BICC1: variants seen among roughly 807,000 people sequenced by gnomAD.
BICC1 encodes the protein BicC family RNA binding protein 1.
BICC1 carries 43 observed loss-of-function variants against 111.0 expected under a neutral mutation model. The ratio of observed to expected loss-of-function variants is 0.39; its 90% confidence interval spans 0.30 to 0.50. BICC1 has a LOEUF of 0.50. BICC1 is among the 20% of genes least tolerant of loss of function. BICC1 has a pLI of 0.88. For missense variants in BICC1, 1,091 were observed against 1,203.2 expected (o/e 0.91, Z 1.38); for synonymous variants, 467 against 434.4 (o/e 1.07, Z -0.93).
intron 6 of BICC1, 53 bp downstream of exon 6, chr10:58,788,476 A>G: frequency 8.3e-7 from 1 of 1,199,028 alleles, no homozygotes. Flanking sequence ...CATTTGCATT[A>G]TAAGGCACTA....
At chr10:58,670,002 GT>G (rs1259461107) in intron 2 of BICC1, among the ~76,000 whole-genome samples, 1 of 152,116 alleles carries the variant, frequency 6.6e-6, no homozygotes, top group Admixed American at 6.6e-5. Flanking sequence ...TTATTGTAAA[GT>G]TTTAGATCGT....
At chr10:58,748,659 G>C (rs926888982) in intron 3 of BICC1, among the ~76,000 whole-genome samples, 3 of 152,102 alleles carry the variant, frequency 2.0e-5, no homozygotes, top group African/African-American at 7.2e-5. Context: ...CGGGCTGAGT[G>C]GGCTTGTAAA....
intron 2 of BICC1, among the ~76,000 whole-genome samples, chr10:58,662,513 AG>A (rs1451209021): frequency 6.6e-6 from 1 of 152,202 alleles, no homozygotes; most frequent in Non-Finnish European, 1.5e-5. Context: ...TTACAAGATG[AG>A]TAACACAAGT....
chr10:58,606,528 A>T (rs1253846417), intron 1 of BICC1, among the ~76,000 whole-genome samples: 4 of 152,074 alleles, frequency 2.6e-5, no homozygotes, highest in Non-Finnish European at 4.4e-5. Flanking sequence ...TAACCTGCAC[A>T]TTGTGCACAT....
At chr10:58,749,992 C>T (rs1841940203) in intron 3 of BICC1, among the ~76,000 whole-genome samples, 2 of 151,986 alleles carry the variant, frequency 1.3e-5, no homozygotes, top group South Asian at 4.1e-4. Context: ...AATCTAAGTG[C>T]AGAGATTAGA....
intron 2 of BICC1, among the ~76,000 whole-genome samples, chr10:58,626,811 T>C (rs1837641023): frequency 1.3e-5 from 2 of 152,158 alleles, no homozygotes; most frequent in Admixed American, 1.3e-4. Context: ...TGTTTAAAAA[T>C]GTATGTTTAA....
At chr10:58,730,334 A>C (rs1338896632) in intron 3 of BICC1, among the ~76,000 whole-genome samples, 1 of 152,194 alleles carries the variant, frequency 6.6e-6, no homozygotes, top group Non-Finnish European at 1.5e-5. Flanking sequence ...GTGAGCTCCC[A>C]AGGTCTTGGG....
intron 3 of BICC1, among the ~76,000 whole-genome samples, chr10:58,735,170 T>G (rs1052458633): frequency 6.6e-6 from 1 of 152,254 alleles, no homozygotes; most frequent in African/African-American, 2.4e-5. Context: ...ATGTGTTATC[T>G]ATGATGTGAT....
In BICC1 at chr10:58,820,459, G is replaced by A; in HGVS notation, c.2785G>A (p.Ala929Thr). 6.2e-7 allele frequency: 1 copy of A among 1,602,832 alleles called. No individual in the cohort carries two copies. The highest frequency in any genetic ancestry group is 1.1e-5 in the South Asian group (1 of 90,832). Residue 929 changes from alanine to threonine, a missense_variant, in exon 20 of 21, where the codon GCA becomes ACA. Coordinates refer to ENST00000373886, the MANE Select transcript of BICC1 (RefSeq NM_001080512.3). ...TGGTGCCAGGAGGAAAATGCTGCTT[G>A]CAATTTCAGGTGAATATAAATATTC... ...TFGARRKMLL[A>T]ISELNKNRRK...
intron 2 of BICC1, among the ~76,000 whole-genome samples, chr10:58,677,354 A>G (rs1424855926): frequency 6.6e-6 from 1 of 152,252 alleles, no homozygotes; most frequent in African/African-American, 2.4e-5. Flanking sequence ...AGAGAACAAC[A>G]TAAATGACCT....
chr10:58,793,247 G>A (rs1404059484), intron 8 of BICC1, among the ~76,000 whole-genome samples: 1 of 152,010 alleles, frequency 6.6e-6, no homozygotes, highest in Non-Finnish European at 1.5e-5. Context: ...AAAAGTCCGG[G>A]GCCAAAAACA....
chr10:58,773,421 G>A (rs1842670640), intron 3 of BICC1, among the ~76,000 whole-genome samples: 1 of 152,152 alleles, frequency 6.6e-6, no homozygotes, highest in Non-Finnish European at 1.5e-5. Flanking sequence ...CTAACAACGG[G>A]GCTGTTTACA....
intron 3 of BICC1, among the ~76,000 whole-genome samples, chr10:58,748,167 T>G (rs148885052): frequency 8.7e-4 from 132 of 152,234 alleles, no homozygotes; most frequent in African/African-American, 3.1e-3. Context: ...AGTTTTAAAT[T>G]TATGTTTTCA....
At chr10:58,575,189 C>G (rs745542387) in intron 1 of BICC1, among the ~76,000 whole-genome samples, 3 of 152,000 alleles carry the variant, frequency 2.0e-5, no homozygotes, top group African/African-American at 4.8e-5. Context: ...TGTTGTCCCC[C>G]ACTCCCCAAC....
At chr10:58,784,852 C>A (rs1842967083) in intron 3 of BICC1, 149 bp from the exon 4 acceptor site, 1 of 371,530 alleles carries the variant, frequency 2.7e-6, no homozygotes, top group Non-Finnish European at 4.8e-6. Flanking sequence ...CAATAACACA[C>A]CTAGAATTTT....
At chr10:58,737,548 A>G (rs1010348033) in intron 3 of BICC1, among the ~76,000 whole-genome samples, 33 of 152,302 alleles carry the variant, frequency 2.2e-4, no homozygotes, top group Non-Finnish European at 3.5e-4. Context: ...GAATAGTGCC[A>G]CAATAAACAT....
At chr10:58,553,854 G>A (rs1843367327) in intron 1 of BICC1, among the ~76,000 whole-genome samples, 2 of 151,352 alleles carry the variant, frequency 1.3e-5, no homozygotes, top group African/African-American at 4.9e-5. Context: ...GTACAAAAAT[G>A]TAAAAAAAAC....
At chr10:58,686,502 C>T (rs1025917351) in intron 2 of BICC1, among the ~76,000 whole-genome samples, 43 of 152,152 alleles carry the variant, frequency 2.8e-4, no homozygotes, top group African/African-American at 1.0e-3. Context: ...TCAGGTACAC[C>T]AGTCAAATGT....
chr10:58,684,667 G>T (rs1279174918), intron 2 of BICC1, among the ~76,000 whole-genome samples: 3 of 152,156 alleles, frequency 2.0e-5, no homozygotes, highest in Non-Finnish European at 4.4e-5. Flanking sequence ...TTGCATAGAG[G>T]TGTTTATAGT....
Sources: allele counts gnomAD v4.1 joint callset (sites outside exome capture counted in the v4.1 genomes callset), GRCh38; gene constraint gnomAD v4.1.1; transcripts MANE v1.5; gene names NCBI Gene and HGNC (gene_info 2026-07-23, HGNC 2026-07-21).